ASTN2: variants seen among roughly 807,000 people sequenced by gnomAD.
The protein encoded by ASTN2 is astrotactin-2.
A neutral mutation model predicts 139.8 loss-of-function variants in ASTN2; 54 were observed. The ratio of observed to expected loss-of-function variants is 0.39; its 90% CI spans 0.31 to 0.48. ASTN2 has a LOEUF of 0.48. Among genes scored for constraint, ASTN2 ranks in the 20% least tolerant of loss-of-function variants. ASTN2 has a pLI of 0.95. For missense variants in ASTN2, 1,565 were observed against 1,725.1 expected, an observed-to-expected ratio of 0.91 and a Z score of 1.64; for synonymous variants, 756 against 719.5, an observed-to-expected ratio of 1.05 and a Z score of -0.81.
intron 10 of ASTN2, among the ~76,000 whole-genome samples, chr9:116,949,850 G>C (rs113976467): frequency 0.022 from 3,365 of 152,244 alleles, 134 homozygotes; most frequent in African/African-American, 0.077. Flanking sequence ...GACTTTAAGT[G>C]TTAATATAAT....
At chr9:117,090,767 G>C (rs542297000) in intron 5 of ASTN2, among the ~76,000 whole-genome samples, 1 of 152,342 alleles carries the variant, frequency 6.6e-6, no homozygotes, top group Admixed American at 6.5e-5. Context: ...ATGACAAGGT[G>C]AGGTCAGGAC....
chr9:116,478,021 A>C (rs1343696242), intron 20 of ASTN2, among the ~76,000 whole-genome samples: 2 of 151,084 alleles, frequency 1.3e-5, no homozygotes, highest in African/African-American at 2.4e-5. Context: ...GCCAGGCAGA[A>C]ACAGTTAAAA....
intron 17 of ASTN2, among the ~76,000 whole-genome samples, chr9:116,649,001 C>G (rs1258274142): frequency 6.6e-6 from 1 of 150,882 alleles, no homozygotes; most frequent in African/African-American, 2.4e-5. Context: ...GCCACTGCAC[C>G]CTAGCCTGGG....
intron 10 of ASTN2, among the ~76,000 whole-genome samples, chr9:116,952,675 C>T (rs967446558): frequency 4.6e-5 from 7 of 152,162 alleles, no homozygotes; most frequent in African/African-American, 1.7e-4. Context: ...GATCAATTTG[C>T]TCCATCATGT....
chr9:116,918,548 T>C (rs1227601979), intron 10 of ASTN2, among the ~76,000 whole-genome samples: 1 of 152,192 alleles, frequency 6.6e-6, no homozygotes, highest in Non-Finnish European at 1.5e-5. Flanking sequence ...TTCCATAGGC[T>C]TCTTTCAAAC....
intron 19 of ASTN2, among the ~76,000 whole-genome samples, chr9:116,571,433 C>A (rs899625347): frequency 1.3e-5 from 2 of 152,302 alleles, no homozygotes; most frequent in South Asian, 2.1e-4. Flanking sequence ...TGGCCTCTCC[C>A]TCTTTTCTCT....
chr9:117,317,607 C>T (rs1433920260), intron 1 of ASTN2, among the ~76,000 whole-genome samples: 1 of 152,130 alleles, frequency 6.6e-6, no homozygotes, highest in Non-Finnish European at 1.5e-5. Flanking sequence ...CGGCTCATTC[C>T]CCAATCCCTA....
At chr9:116,805,849 G>A in intron 12 of ASTN2, 29 bp from the exon 13 acceptor site, 1 of 1,604,898 alleles carries the variant, frequency 6.2e-7, no homozygotes, top group Non-Finnish European at 8.5e-7. Context: ...CTCAGAATTA[G>A]CTTCACATCC....
chr9:116,721,824 T>A (rs1266481204), intron 16 of ASTN2, among the ~76,000 whole-genome samples: 1 of 152,202 alleles, frequency 6.6e-6, no homozygotes, highest in Non-Finnish European at 1.5e-5. Flanking sequence ...GTTATTGGCA[T>A]GCCCAGTGCC....
intron 22 of ASTN2, among the ~76,000 whole-genome samples, chr9:116,429,418 G>A (rs1847424727): frequency 6.6e-6 from 1 of 151,030 alleles, no homozygotes; most frequent in African/African-American, 2.4e-5. Context: ...GTACTTACAG[G>A]TGTTGGTTTG....
chr9:116,531,651 T>A lies in ASTN2; in HGVS notation c.3356-44151A>T, dbSNP rs57530147. On this transcript the variant is annotated intron_variant, in intron 19 of 22. Transcript: ENST00000313400. ...TGTCCTTGTGATAGTTTGCTGAGAA[T>A]GATGGTTTCCAGCTTCATCCACGTT... 2.8e-4 allele frequency among the ~76,000 whole-genome samples: 42 copies of A among 152,206 alleles called. 1 individual carries two copies. Among genetic ancestry groups the A allele is most frequent in the African/African-American group, 9.9e-4 (41 of 41,540 alleles).
intron 20 of ASTN2, among the ~76,000 whole-genome samples, chr9:116,471,797 A>G (rs1848822136): frequency 6.6e-6 from 1 of 152,210 alleles, no homozygotes; most frequent in Non-Finnish European, 1.5e-5. Flanking sequence ...ATGCAGGAAG[A>G]GGCTTGGTCT....
At chr9:116,675,901 A>C (rs930060674) in intron 16 of ASTN2, among the ~76,000 whole-genome samples, 26 of 152,124 alleles carry the variant, frequency 1.7e-4, no homozygotes, top group African/African-American at 6.3e-4. Context: ...AACAGGGAAA[A>C]AGTTTGAGCT....
intron 12 of ASTN2, among the ~76,000 whole-genome samples, chr9:116,815,971 A>T (rs1831317679): frequency 6.6e-6 from 1 of 152,108 alleles, no homozygotes; most frequent in Non-Finnish European, 1.5e-5. Flanking sequence ...ATACAAGGAC[A>T]ACTATATAAT....
intron 10 of ASTN2, among the ~76,000 whole-genome samples, chr9:116,915,759 G>A (rs768368426): frequency 1.1e-4 from 16 of 152,150 alleles, no homozygotes; most frequent in Non-Finnish European, 1.3e-4. Flanking sequence ...TGGACCTCAC[G>A]CTATGTACTT....
At chr9:117,199,262 T>G (rs1482150223) in intron 3 of ASTN2, among the ~76,000 whole-genome samples, 2 of 152,328 alleles carry the variant, frequency 1.3e-5, no homozygotes, top group South Asian at 2.1e-4. Flanking sequence ...TTTATGGTTT[T>G]GGGTTTTACA....
chr9:117,168,378 C>T (rs757533186), intron 3 of ASTN2, among the ~76,000 whole-genome samples: 10 of 152,134 alleles, frequency 6.6e-5, no homozygotes, highest in East Asian at 3.9e-4. Context: ...TGATGACCTA[C>T]GGTCACACAC....
intron 11 of ASTN2, among the ~76,000 whole-genome samples, chr9:116,852,580 G>A (rs1354840301): frequency 6.6e-6 from 1 of 152,066 alleles, no homozygotes; most frequent in Non-Finnish European, 1.5e-5. Flanking sequence ...AAAATACCTG[G>A]GCTAGTGGGT....
intron 20 of ASTN2, among the ~76,000 whole-genome samples, chr9:116,485,605 A>G (rs1849313190): frequency 6.6e-6 from 1 of 152,160 alleles, no homozygotes; most frequent in Non-Finnish European, 1.5e-5. Context: ...ACCACTCACC[A>G]TGAGGATGGT....
Sources: allele counts gnomAD v4.1 joint callset (sites outside exome capture counted in the v4.1 genomes callset), GRCh38; gene constraint gnomAD v4.1.1; transcripts MANE v1.5; gene names NCBI Gene and HGNC (gene_info 2026-07-23, HGNC 2026-07-21).